Variants in ADAP1 observed in about 807,000 individuals in gnomAD.
ADAP1 encodes arf-GAP with dual PH domain-containing protein 1.
Under a neutral mutation model 54.9 loss-of-function variants are expected in ADAP1, and 31 were observed. The observed-to-expected ratio is 0.56, with a 90% confidence interval of 0.42 to 0.76. The LOEUF (loss-of-function observed/expected upper bound fraction) is 0.76. Ranked by LOEUF, ADAP1 falls within the 30% of genes least tolerant of loss-of-function variation. ADAP1 has a pLI of 0.00. For missense variants in ADAP1, 535 were observed against 512.4 expected (o/e 1.04, Z -0.42); for synonymous variants, 313 against 202.6 (o/e 1.55, Z -4.63).
At chr7:908,120 G>C (rs1445460350) in intron 4 of ADAP1, among the ~76,000 whole-genome samples, 1 of 152,176 alleles carries the variant, frequency 6.6e-6, no homozygotes, top group Non-Finnish European at 1.5e-5. Context: ...GAGGGCAGGG[G>C]CTGCTGACCT....
chr7:951,758 C>T (rs780499044), intron 1 of ADAP1, among the ~76,000 whole-genome samples: 1 of 152,182 alleles, frequency 6.6e-6, no homozygotes, highest in Non-Finnish European at 1.5e-5. Context: ...AGAGCTCAGA[C>T]ACCCCAGTCC....
intron 1 of ADAP1, among the ~76,000 whole-genome samples, chr7:953,469 A>G (rs780706993): frequency 2.0e-5 from 3 of 152,134 alleles, no homozygotes; most frequent in Non-Finnish European, 2.9e-5. Flanking sequence ...AGGCAAATGC[A>G]AGGTCTTCCC....
At chr7:928,730 G>C (rs2128107264) in intron 2 of ADAP1, among the ~76,000 whole-genome samples, 1 of 152,362 alleles carries the variant, frequency 6.6e-6, no homozygotes, top group South Asian at 2.1e-4. Flanking sequence ...AATGTGGAGT[G>C]ATCAGAGCCC....
At chr7:910,433 T>C (rs895458093) in intron 4 of ADAP1, among the ~76,000 whole-genome samples, 2 of 152,110 alleles carry the variant, frequency 1.3e-5, no homozygotes, top group African/African-American at 4.8e-5. Context: ...TATTTTTTTG[T>C]AGAGATGGGA....
chr7:909,181 G>GCCGCATTCCAGGGGCAATGACGGCGCA, intron 4 of ADAP1, among the ~76,000 whole-genome samples: 3 of 113,724 alleles, frequency 2.6e-5, no homozygotes, highest in South Asian at 3.4e-4. Flanking sequence ...AGGCGCCAGC[G>GCCGCATTCCAGGGGCAATGACGGCGCA]GGAACCCCGG....
In ADAP1 at chr7:898,878, A is replaced by C. The variant is rs1487011734; in HGVS notation, c.*43T>G. 2.5e-6 allele frequency: 4 copies of C among 1,573,334 alleles called. 1 individual carries two copies. The South Asian group carries it at 4.6e-5, about 18-fold the overall frequency. On this transcript the variant is annotated 3_prime_UTR_variant, in exon 11 of 11. Coordinates refer to ENST00000265846, the MANE Select transcript of ADAP1 (RefSeq NM_006869.4). Reference sequence around the variant, plus strand: ...CCCCATCCACGGGTCCCCTCCGTCCAGCCACAGTGAGTCCAATGTCCGTGG... The same window carrying C: ...CCCCATCCACGGGTCCCCTCCGTCCCGCCACAGTGAGTCCAATGTCCGTGG...
chr7:913,403 G>A (rs948957515), intron 4 of ADAP1, among the ~76,000 whole-genome samples: 12 of 151,718 alleles, frequency 7.9e-5, no homozygotes, highest in East Asian at 2.0e-4. Flanking sequence ...GGGTTTCACC[G>A]TGTTAGCCAG....
intron 4 of ADAP1, 38 bp from the exon 5 acceptor site, chr7:905,210 T>G (rs181180076): frequency 3.4e-6 from 5 of 1,463,276 alleles, no homozygotes; most frequent in East Asian, 5.4e-5. Context: ...TGACAGTGGA[T>G]GGGGGGGAGG....
intron 8 of ADAP1, 96 bp from the exon 9 acceptor site, chr7:899,586 G>C: frequency 7.2e-7 from 1 of 1,389,394 alleles, no homozygotes; most frequent in Non-Finnish European, 9.8e-7. Flanking sequence ...GCCCAGACTG[G>C]CCCGGGTCAG....
At chr7:917,326 CCGGGGAGG>C (rs1562923664) in intron 4 of ADAP1, among the ~76,000 whole-genome samples, 10 of 120,364 alleles carry the variant, frequency 8.3e-5, no homozygotes, top group African/African-American at 3.0e-4. Flanking sequence ...GCCAGCTCTA[CCGGGGAGG>C]TGCACGGGAG....
Position 933,065 on chromosome 7 carries a change from A to G in ADAP1, c.213+2310T>C, listed in dbSNP as rs185996093. On this transcript the variant is annotated intron_variant, in intron 2 of 10. Transcript: ENST00000265846. Reference sequence around the variant, plus strand: ...GGTGGGTGGATCACCTGCGGTCAGGAGTTCAAGACCAGCCTTGCCAACATG... The same window carrying G: ...GGTGGGTGGATCACCTGCGGTCAGGGGTTCAAGACCAGCCTTGCCAACATG... 3.2e-3 allele frequency among the ~76,000 whole-genome samples: 491 copies of G among 152,170 alleles called. 10 individuals are homozygous for G. Among genetic ancestry groups the G allele is most frequent in the Admixed American group, 0.029 (444 of 15,286 alleles).
rs879460220 is a variant in ADAP1, at chr7:920,711, C to A, written c.306-661G>T. On this transcript the variant is annotated intron_variant, in intron 3 of 10. Coordinates refer to ENST00000265846, the MANE Select transcript of ADAP1 (RefSeq NM_006869.4). The surrounding 1 kb of genome is among the most constrained non-coding windows in gnomAD (Gnocchi z 4.5). ...AGTAAAGCCCGGGACGAGGGCCCCC[C>A]ACGGCACCCACTGAGCCCAGACATC... 3.1e-6 allele frequency: 4 copies of A among 1,309,280 alleles called. No homozygotes were observed. Among genetic ancestry groups the A allele is most frequent in the African/African-American group, 1.5e-5 (1 of 67,542 alleles). 81.1% of individuals were successfully genotyped at this position (1,309,280 alleles called of 1,614,324 possible). A position where few individuals can be genotyped will look rare whatever the true frequency, so the allele number is the denominator to read the frequency against.
At chr7:919,581 A>T (rs896233500) in intron 4 of ADAP1, among the ~76,000 whole-genome samples, 3 of 146,624 alleles carry the variant, frequency 2.0e-5, no homozygotes, top group African/African-American at 7.6e-5. Flanking sequence ...GATGAGATAG[A>T]CGTGAAGAGA....
At chr7:905,322 G>A (rs1402186529) in intron 4 of ADAP1, 150 bp from the exon 5 acceptor site, 3 of 520,628 alleles carry the variant, frequency 5.8e-6, no homozygotes, top group East Asian at 6.7e-5. Flanking sequence ...CGGGGAGAGG[G>A]GACATGGAGG....
intron 5 of ADAP1, among the ~76,000 whole-genome samples, chr7:904,569 G>C (rs1432518425): frequency 6.6e-6 from 1 of 152,156 alleles, no homozygotes; most frequent in African/African-American, 2.4e-5. Context: ...GCTCCCACAG[G>C]GGCAGGCCCC....
intron 1 of ADAP1, among the ~76,000 whole-genome samples, chr7:940,325 C>A (rs914761800): frequency 5.6e-5 from 7 of 124,628 alleles, no homozygotes; most frequent in Non-Finnish European, 1.2e-4. Flanking sequence ...GTGTCACAGA[C>A]CCTGTCACAC....
At chr7:927,142 C>G (rs1056350151) in intron 2 of ADAP1, 1 of 1,303,690 alleles carries the variant, frequency 7.7e-7, no homozygotes, top group Non-Finnish European at 1.0e-6. Context: ...AGGACAGAGT[C>G]TCTGAGGGGA....
intron 5 of ADAP1, 36 bp downstream of exon 5, chr7:905,024 G>T (rs746490344): frequency 1.3e-6 from 2 of 1,578,868 alleles, no homozygotes; most frequent in East Asian, 2.2e-5. Flanking sequence ...TGCCGCCCTG[G>T]GACAGGCCCC....
intron 1 of ADAP1, among the ~76,000 whole-genome samples, chr7:949,375 C>T (rs545143081): frequency 6.6e-6 from 1 of 152,392 alleles, no homozygotes; most frequent in African/African-American, 2.4e-5. Context: ...ATGCAGCCAC[C>T]TGACGGGTGA....
Sources: allele counts gnomAD v4.1 joint callset (sites outside exome capture counted in the v4.1 genomes callset), GRCh38; gene constraint gnomAD v4.1.1; non-coding constraint Gnocchi (gnomAD v3.1); transcripts MANE v1.5; gene names NCBI Gene and HGNC (gene_info 2026-07-23, HGNC 2026-07-21).